The following DNAH9 variants were observed in gnomAD, a reference collection of about 807,000 sequenced individuals.
DNAH9 encodes the protein DNAH9 variant protein.
In DNAH9, 345 loss-of-function variants were observed where a neutral mutation model predicts 471.6. The ratio of observed to expected loss-of-function variants is 0.73; its 90% CI spans 0.67 to 0.80. The LOEUF is 0.80. DNAH9 is among the 30% of genes least tolerant of loss of function. The pLI is 0.00. For missense variants in DNAH9, 5,407 were observed against 5,609.2 expected, an observed-to-expected ratio of 0.96 and a Z score of 1.15; for synonymous variants, 2,093 against 2,123.6, an observed-to-expected ratio of 0.99 and a Z score of 0.40.
chr17:11,676,661 A>C (rs1290919478), intron 17 of DNAH9, among the ~76,000 whole-genome samples: 1 of 151,910 alleles, frequency 6.6e-6, no homozygotes, highest in African/African-American at 2.4e-5. Context: ...AAACTCATTG[A>C]TCTTATTTAT....
intron 10 of DNAH9, among the ~76,000 whole-genome samples, chr17:11,641,586 C>A (rs1315906966): frequency 6.6e-6 from 1 of 152,156 alleles, no homozygotes; most frequent in Non-Finnish European, 1.5e-5. Flanking sequence ...ATTCTCCAGG[C>A]TCCTAATCCA....
intron 17 of DNAH9, among the ~76,000 whole-genome samples, chr17:11,671,408 G>T (rs566564214): frequency 1.4e-4 from 22 of 152,208 alleles, no homozygotes; most frequent in Non-Finnish European, 2.6e-4. Context: ...GGAAGCAGAG[G>T]GGGGGCAGAG....
intron 49 of DNAH9, among the ~76,000 whole-genome samples, chr17:11,842,502 C>A (rs1286111330): frequency 6.6e-6 from 1 of 152,086 alleles, no homozygotes; most frequent in African/African-American, 2.4e-5. Flanking sequence ...AGGCTATCTG[C>A]AAGCTGGGGA....
At position 11,881,391 on chromosome 17, in the gene DNAH9, G is replaced by T. The variant is rs1371487555; in HGVS notation, c.10784G>T (p.Arg3595Met). 2 of 1,613,296 alleles carry T rather than the reference G, an allele frequency of 1.2e-6. No homozygotes were observed. The highest frequency in any genetic ancestry group is 3.3e-5 in the Admixed American group (2 of 60,008). ...CTGGCCGCTGTGGTCAGCATGGAGA[G>T]GCCAGACTTGGAGCAGCTGAAGGTG... ...QLLAAVVSME[R>M]PDLEQLKSDL... The change falls in exon 55 of 69, where the codon AGG (arginine) becomes ATG (methionine). Residue 3595 changes from arginine (R) to methionine (M), a missense_variant. Arg to Met is a moderately conservative substitution (Grantham distance 91). Transcript: ENST00000262442.
intron 8 of DNAH9, among the ~76,000 whole-genome samples, chr17:11,635,363 G>A (rs1372657912): frequency 1.1e-5 from 1 of 87,056 alleles, no homozygotes. Flanking sequence ...TTTTTTTTTA[G>A]TAGAGACGGG....
intron 20 of DNAH9, 121 bp downstream of exon 20, chr17:11,690,557 A>C: frequency 1.1e-6 from 1 of 928,834 alleles, no homozygotes; most frequent in Non-Finnish European, 1.6e-6. Context: ...ACTTTACTTA[A>C]AGGCACTTCC....
chr17:11,869,520 T>C (rs190596487), intron 51 of DNAH9, among the ~76,000 whole-genome samples: 213 of 152,326 alleles, frequency 1.4e-3, no homozygotes, highest in Non-Finnish European at 3.4e-4. Context: ...AACACACTTA[T>C]ATTCATGTGT....
chr17:11,784,537 C>T lies in DNAH9; in HGVS notation c.8059C>T (p.Gln2687Ter). 6.2e-7 allele frequency: 1 copy of T among 1,614,132 alleles called. No individual in the cohort carries two copies. Among genetic ancestry groups the T allele is most frequent in the Non-Finnish European group, 8.5e-7 (1 of 1,180,022 alleles). The change falls in exon 41 of 69, where the codon CAG becomes TAG. Residue 2687 changes from glutamine (Q) to a stop codon, truncating the protein, a stop_gained and splice_region_variant. Transcript: ENST00000262442. LOFTEE classifies it high-confidence loss of function. The stretch of plus-strand genomic sequence containing the variant: ...CCTCAGAGATTTTGCCAACATTTTC[C>T]AGGTGAGTTCATCGGCTCCGAGACA... Reference protein sequence around the residue: ...FNLRDFANIFQGILFSSVECV... With the variant: ...FNLRDFANIF
rs1302777151 is a variant in DNAH9, at chr17:11,892,149, A to C, written c.11283+202A>C. 6.6e-6 allele frequency among the ~76,000 whole-genome samples: 1 copy of C among 152,184 alleles called. No individual in the cohort carries two copies. Among genetic ancestry groups the C allele is most frequent in the Non-Finnish European group, 1.5e-5 (1 of 68,026 alleles). ...TTTCCCACTTATGGCAGACATACTT[A>C]ATCCATCATTGTACTTTTTCTTGCT... On this transcript the variant is annotated intron_variant, in intron 58 of 68. Transcript: ENST00000262442. The surrounding 1 kb of genome is among the most constrained non-coding windows in gnomAD (Gnocchi z 4.3).
chr17:11,607,860 G>A (rs780608208), intron 1 of DNAH9, among the ~76,000 whole-genome samples: 3 of 152,134 alleles, frequency 2.0e-5, no homozygotes, highest in Non-Finnish European at 4.4e-5. Context: ...ATGAACCACC[G>A]CACTTAGCCG....
Position 11,768,329 on chromosome 17 carries a change from C to T in DNAH9, c.7171-124C>T, listed in dbSNP as rs529987679. On this transcript the variant is annotated intron_variant, in intron 36 of 68. Transcript: ENST00000262442. ...GCCTTCCTGGAGGAGCTGGTCTAGC[C>T]GGCAGGCCCACACAGGGAGGAGCAC... The T allele has an allele frequency of 3.1e-5, 31 of 988,840 alleles. No homozygotes were observed. In the South Asian group the frequency reaches 3.9e-4, roughly 12 times the overall value. 61.3% of individuals were successfully genotyped at this position (988,840 alleles called of 1,614,324 possible).
At chr17:11,818,474 C>T (rs79350162) in intron 45 of DNAH9, among the ~76,000 whole-genome samples, 1,987 of 151,648 alleles carry the variant, frequency 0.013, 14 homozygotes, top group South Asian at 0.024. Context: ...ATAAGATGGC[C>T]CAAATGACTT....
chr17:11,767,006 G>C (rs910255502), intron 36 of DNAH9, among the ~76,000 whole-genome samples: 3 of 151,816 alleles, frequency 2.0e-5, no homozygotes, highest in Non-Finnish European at 2.9e-5. Context: ...GAAAAAGAAA[G>C]GACCACTGGA....
At position 11,905,694 on chromosome 17, in the gene DNAH9, C is replaced by G; in HGVS notation, c.11634C>G (p.Tyr3878Ter). ...TTGAAGAGAAGTTAGGAAGCAAATACGTGGTGGGAAGAGCCCTAGATTTTG... is the reference window on the plus strand; with the variant it reads ...TTGAAGAGAAGTTAGGAAGCAAATAGGTGGTGGGAAGAGCCCTAGATTTTG... ...DFVEEKLGSK[Y>*]VVGRALDFAT... Residue 3878 changes from tyrosine (Y) to a stop codon, truncating the protein, a stop_gained, in exon 61 of 69, where the codon TAC becomes TAG. Transcript: ENST00000262442. LOFTEE classifies it high-confidence loss of function. The G allele has an allele frequency of 6.2e-7, 1 of 1,613,960 alleles. No homozygotes were observed. Among genetic ancestry groups the G allele is most frequent in the Non-Finnish European group, 8.5e-7 (1 of 1,179,960 alleles).
rs1317322798 is a variant in DNAH9, at chr17:11,711,075, A to T, written c.5552+5890A>T. 5.9e-5 allele frequency among the ~76,000 whole-genome samples: 9 copies of T among 152,288 alleles called. No homozygotes were observed. The East Asian group carries it at 1.2e-3, about 20-fold the overall frequency. On this transcript the variant is annotated intron_variant, in intron 26 of 68. Transcript: ENST00000262442. ...TATGCCTTTATAACTTCTCACTCAG[A>T]AGGAAGATAGACCCTCTCTTGCCTG...
At chr17:11,874,841 T>G in intron 52 of DNAH9, 108 bp from the exon 53 acceptor site, 1 of 800,286 alleles carries the variant, frequency 1.2e-6, no homozygotes. Context: ...AGTGGGATGT[T>G]GATCTTGCTT....
intron 68 of DNAH9, among the ~76,000 whole-genome samples, chr17:11,963,399 A>C (rs1976406058): frequency 6.6e-6 from 1 of 151,932 alleles, no homozygotes; most frequent in Admixed American, 6.6e-5. Flanking sequence ...GCACCATTGC[A>C]TTCCAGCCTG....
At chr17:11,676,588 T>G (rs1028046530) in intron 17 of DNAH9, among the ~76,000 whole-genome samples, 2 of 152,176 alleles carry the variant, frequency 1.3e-5, no homozygotes, top group African/African-American at 4.8e-5. Flanking sequence ...TGGCCTTCTA[T>G]TCATTCTTAT....
At chr17:11,787,247 T>C (rs967196963) in intron 41 of DNAH9, among the ~76,000 whole-genome samples, 12 of 152,162 alleles carry the variant, frequency 7.9e-5, no homozygotes, top group Admixed American at 2.0e-4. Flanking sequence ...AACAGCTGGA[T>C]TGGTTACAGC....
Sources: allele counts gnomAD v4.1 joint callset (sites outside exome capture counted in the v4.1 genomes callset), GRCh38; gene constraint gnomAD v4.1.1; non-coding constraint Gnocchi (gnomAD v3.1); transcripts MANE v1.5; gene names NCBI Gene and HGNC (gene_info 2026-07-23, HGNC 2026-07-21).